The following KRT4 variants were observed in gnomAD, a reference collection of about 807,000 sequenced individuals.
KRT4 encodes the protein keratin, type II cytoskeletal 4.
Under a neutral mutation model 50.6 loss-of-function variants are expected in KRT4, and 47 were observed. The observed-to-expected ratio is 0.93, with a 90% CI of 0.73 to 1.18. The LOEUF (loss-of-function observed/expected upper bound fraction) is 1.18, where lower values mean the gene tolerates loss of function less well. KRT4 is among the 50% of genes most tolerant of loss of function. KRT4 has a pLI of 0.00. For synonymous variants in KRT4, 254 were observed against 251.2 expected, an observed-to-expected ratio of 1.01 and a Z score of -0.10; for missense variants, 651 against 645.7, an observed-to-expected ratio of 1.01 and a Z score of -0.09.
intron 2 of KRT4, chr12:52,811,498 T>A (rs1237564821): frequency 4.1e-6 from 2 of 482,570 alleles, no homozygotes; most frequent in Non-Finnish European, 7.6e-6. Context: ...ACTATACTGC[T>A]TTTCATCTAT....
At chr12:52,810,565 G>C (rs934958962) in intron 3 of KRT4, among the ~76,000 whole-genome samples, 191 bp downstream of exon 3, 1 of 151,902 alleles carries the variant, frequency 6.6e-6, no homozygotes, top group Non-Finnish European at 1.5e-5. Context: ...AAAGCAAATA[G>C]GCTTTCCTCC....
intron 1 of KRT4, among the ~76,000 whole-genome samples, chr12:52,812,826 T>A (rs1939935760): frequency 6.6e-6 from 1 of 152,208 alleles, no homozygotes; most frequent in Non-Finnish European, 1.5e-5. Context: ...AAAGTGTTCA[T>A]TCTTGCCCCA....
chr12:52,807,908 T>G, intron 6 of KRT4, 44 bp from the exon 7 acceptor site: 2 of 1,552,238 alleles, frequency 1.3e-6, no homozygotes, highest in Non-Finnish European at 1.8e-6. Context: ...GTGCCCTGCC[T>G]TCAAGGCCTC....
Position 52,814,097 on chromosome 12 carries a change from C to G in KRT4, c.-39G>C. On this transcript the variant is annotated 5_prime_UTR_variant, in exon 1 of 9. Transcript: ENST00000551956. Reference sequence around the variant, plus strand: ...GAGCTGGGAGCTATCAGAGAAGTGACAGGGCCCAGGCCGGTGAGTGCTGGA... The same window carrying G: ...GAGCTGGGAGCTATCAGAGAAGTGAGAGGGCCCAGGCCGGTGAGTGCTGGA... 6.2e-7 allele frequency: 1 copy of G among 1,613,866 alleles called. No individual in the cohort carries two copies. The highest frequency in any genetic ancestry group is 8.5e-7 in the Non-Finnish European group (1 of 1,179,920).
intron 4 of KRT4, 187 bp from the exon 5 acceptor site, chr12:52,809,037 C>A: frequency 2.8e-6 from 2 of 704,150 alleles, no homozygotes; most frequent in East Asian, 2.8e-5. Context: ...CTTTACTGGT[C>A]CCCAGGAACC....
intron 7 of KRT4, 70 bp downstream of exon 7, chr12:52,807,574 A>G (rs1939822228): frequency 5.8e-6 from 9 of 1,559,168 alleles, no homozygotes; most frequent in Non-Finnish European, 7.1e-6. Context: ...GCAGCCCGGC[A>G]GAGGCATAAA....
intron 4 of KRT4, 35 bp from the exon 5 acceptor site, chr12:52,808,885 G>A (rs992751561): frequency 1.2e-6 from 2 of 1,612,850 alleles, no homozygotes; most frequent in Non-Finnish European, 1.7e-6. Context: ...GCCCCCCCAG[G>A]AAAGCCTTCA....
chr12:52,809,906 G>C (rs1939878888), intron 3 of KRT4, among the ~76,000 whole-genome samples: 1 of 152,136 alleles, frequency 6.6e-6, no homozygotes, highest in African/African-American at 2.4e-5. Flanking sequence ...ATACACAATA[G>C]AATACTACTC....
In KRT4 at chr12:52,810,833, G is replaced by T. The variant is rs529778962; in HGVS notation, c.678-17C>A. On this transcript the variant is annotated splice_polypyrimidine_tract_variant and intron_variant, in intron 2 of 8. Transcript: ENST00000551956. Reference sequence around the variant, plus strand: ...TCTTCATACCTGGGGGTGGGCACGGGGAGAAAAAGACAAAAACCCACAGTG... The same window carrying T: ...TCTTCATACCTGGGGGTGGGCACGGTGAGAAAAAGACAAAAACCCACAGTG... 1 of 1,610,314 alleles carries T rather than the reference G, an allele frequency of 6.2e-7. No individual in the cohort carries two copies. The highest frequency in any genetic ancestry group is 1.1e-5 in the South Asian group (1 of 91,014).
At chr12:52,807,963 G>T in intron 6 of KRT4, 99 bp from the exon 7 acceptor site, 1 of 1,095,950 alleles carries the variant, frequency 9.1e-7, no homozygotes, top group Non-Finnish European at 1.4e-6. Context: ...GGGTTAGGAT[G>T]TCAAGATTCT....
Position 52,813,927 on chromosome 12 carries a change from A to G in KRT4, c.132T>C (p.Ser44=), listed in dbSNP as rs746756580. The change falls in exon 1 of 9, where the codon TCT becomes TCC. Residue 44 remains serine, a synonymous_variant. Coordinates refer to ENST00000551956, the MANE Select transcript of KRT4 (RefSeq NM_002272.4). ...AGAGGCTTCTGCTGCCAAATCCCCC[A>G]GAAGAGCATCGGCCAGCACCTCCAG... ...SMSGGAGRCS[S]GGFGSRSLYN... 6.7e-7 allele frequency: 1 copy of G among 1,498,060 alleles called. No individual in the cohort carries two copies. The highest frequency in any genetic ancestry group is 8.9e-7 in the Non-Finnish European group (1 of 1,119,236). 92.8% of individuals were successfully genotyped at this position (1,498,060 alleles called of 1,614,324 possible).
At position 52,807,685 on chromosome 12, in the gene KRT4, C is replaced by T. The variant is rs769528298; in HGVS notation, c.1305G>A (p.Glu435=). ...CCAGCAGTTTGCGGTAGGTGGCGATCTCGATGTCCAAGGCCAGCTTCACAC... is the reference window on the plus strand; with the variant it reads ...CCAGCAGTTTGCGGTAGGTGGCGATTTCGATGTCCAAGGCCAGCTTCACAC... ...LMSVKLALDI[E]IATYRKLLEG... is the part of the protein sequence containing the mutation. The change falls in exon 7 of 9, where the codon GAG becomes GAA. Residue 435 remains glutamate, a synonymous_variant. Transcript: ENST00000551956. The T allele has an allele frequency of 1.2e-6, 2 of 1,614,154 alleles. No individual in the cohort carries two copies. Among genetic ancestry groups the T allele is most frequent in the Non-Finnish European group, 1.7e-6 (2 of 1,180,030 alleles).
Position 52,810,739 on chromosome 12 carries a change from C to T in KRT4, c.738+17G>A, listed in dbSNP as rs778005515. On this transcript the variant is annotated intron_variant, in intron 3 of 8. Transcript: ENST00000551956. ...GGGGCACCCTGAAGGCACTCCCTAC[C>T]ATCCTTCGTCTCTTACCTTCTTTAG... 4.3e-6 allele frequency: 7 copies of T among 1,612,332 alleles called. No homozygotes were observed. In the Admixed American group the frequency reaches 5.0e-5, roughly 12 times the overall value.
chr12:52,813,570 C>T, intron 1 of KRT4, 27 bp downstream of exon 1: 1 of 1,599,602 alleles, frequency 6.3e-7, no homozygotes, highest in Non-Finnish European at 8.6e-7. Context: ...TTCTAACTGC[C>T]CCTCTCCAGC....
chr12:52,807,892 T>TCAG, intron 6 of KRT4, 28 bp from the exon 7 acceptor site: 1 of 1,601,526 alleles, frequency 6.2e-7, no homozygotes, highest in Non-Finnish European at 8.5e-7. Context: ...AGATAGGTGG[T>TCAG]CAGCAGTGCC....
At chr12:52,813,452 A>C in intron 1 of KRT4, 145 bp downstream of exon 1, 4 of 755,396 alleles carry the variant, frequency 5.3e-6, no homozygotes, top group Non-Finnish European at 9.2e-6. Flanking sequence ...GCTCAAAGTC[A>C]TGATGCCCCT....
intron 7 of KRT4, 119 bp from the exon 8 acceptor site, chr12:52,807,512 C>A: frequency 6.7e-7 from 1 of 1,486,332 alleles, no homozygotes; most frequent in South Asian, 1.1e-5. Context: ...CAGTGTGAAC[C>A]TATTAGCTGA....
chr12:52,810,928 A>G, intron 2 of KRT4, 112 bp from the exon 3 acceptor site: 1 of 822,208 alleles, frequency 1.2e-6, no homozygotes, highest in Non-Finnish European at 2.1e-6. Context: ...ATATCCACGT[A>G]ATTAGTTGCA....
chr12:52,806,760 A>G lies in KRT4; in HGVS notation c.*309T>C, dbSNP rs1939802785. ...CTGGGAAGGGACATATGTGACCCCA[A>G]TAATTCTGGAGATGACACTCCTGGT... is the stretch of plus-strand genomic sequence containing the variant. On this transcript the variant is annotated 3_prime_UTR_variant, in exon 9 of 9. Transcript: ENST00000551956. The G allele has an allele frequency of 2.2e-6, 1 of 451,322 alleles. No individual in the cohort carries two copies. Among genetic ancestry groups the G allele is most frequent in the African/African-American group, 2.0e-5 (1 of 50,244 alleles). 28.0% of individuals were successfully genotyped at this position (451,322 alleles called of 1,614,324 possible). A position where few individuals can be genotyped will look rare whatever the true frequency, so the allele number is the denominator to read the frequency against.
Sources: allele counts gnomAD v4.1 joint callset (sites outside exome capture counted in the v4.1 genomes callset), GRCh38; gene constraint gnomAD v4.1.1; transcripts MANE v1.5; gene names NCBI Gene and HGNC (gene_info 2026-07-23, HGNC 2026-07-21).